Variants in HDAC9 observed in about 807,000 individuals in gnomAD.
HDAC9 encodes histone deacetylase 9.
HDAC9 carries 41 observed loss-of-function variants against 139.4 expected under a neutral mutation model. That is an observed-to-expected ratio of 0.29 (90% CI 0.23 to 0.38). The LOEUF is 0.38. HDAC9 is among the 10% of genes least tolerant of loss of function. The probability of loss-of-function intolerance (pLI) is 1.00; values close to 1 mark genes in which losing one functional copy is unlikely to be tolerated. For missense variants in HDAC9, 1,147 were observed against 1,297.0 expected, an observed-to-expected ratio of 0.88 and a Z score of 1.78; for synonymous variants, 517 against 476.2, an observed-to-expected ratio of 1.09 and a Z score of -1.12.
intron 1 of HDAC9, among the ~76,000 whole-genome samples, chr7:18,154,773 A>T (rs1398420336): frequency 1.3e-5 from 2 of 152,232 alleles, no homozygotes; most frequent in Non-Finnish European, 2.9e-5. Context: ...AGCTTGAAAA[A>T]GAGAATCATA....
At position 18,644,783 on chromosome 7, in the gene HDAC9, C is replaced by G; in HGVS notation, c.1025C>G (p.Ser342Cys). 2 of 1,611,116 alleles carry G rather than the reference C, an allele frequency of 1.2e-6. No individual in the cohort carries two copies. Among genetic ancestry groups the G allele is most frequent in the Non-Finnish European group, 1.7e-6 (2 of 1,178,490 alleles). The change falls in exon 9 of 26, where the codon TCC becomes TGC. Residue 342 changes from serine (S) to cysteine (C), a missense_variant. By Grantham distance (112) the Ser-to-Cys change is moderately radical. Coordinates refer to ENST00000686413, the MANE Select transcript of HDAC9 (RefSeq NM_178425.4). ...ACCTTGGGGCTTCCCGCAGTGCCAT[C>G]CCAGCTCAATGTAAGTCATTGCACA... ...NITLGLPAVP[S>C]QLNASNSLKE...
chr7:18,593,532 A>G (rs1029723181), intron 5 of HDAC9, among the ~76,000 whole-genome samples: 4 of 152,138 alleles, frequency 2.6e-5, no homozygotes, highest in Admixed American at 6.6e-5. Context: ...TATGTTTACT[A>G]TTACCTTGAT....
intron 1 of HDAC9, among the ~76,000 whole-genome samples, chr7:18,158,842 T>G (rs1235847913): frequency 6.6e-6 from 1 of 152,200 alleles, no homozygotes; most frequent in African/African-American, 2.4e-5. Flanking sequence ...TGCCCTCTCT[T>G]TTTTCTGGCT....
intron 2 of HDAC9, among the ~76,000 whole-genome samples, chr7:18,502,097 A>G (rs1798545399): frequency 6.6e-6 from 1 of 152,202 alleles, no homozygotes; most frequent in Non-Finnish European, 1.5e-5. Flanking sequence ...TAGCAGTTCC[A>G]AGCATTATGT....
intron 1 of HDAC9, among the ~76,000 whole-genome samples, chr7:18,110,587 C>A (rs747210762): frequency 6.6e-6 from 1 of 152,064 alleles, no homozygotes; most frequent in Non-Finnish European, 1.5e-5. Flanking sequence ...CAGATGGAGT[C>A]CTGACTATAA....
chr7:18,708,004 G>A (rs930321453), intron 12 of HDAC9, among the ~76,000 whole-genome samples: 2 of 152,142 alleles, frequency 1.3e-5, no homozygotes, highest in African/African-American at 4.8e-5. Context: ...GATTGATGGA[G>A]CACATCCCTA....
intron 13 of HDAC9, among the ~76,000 whole-genome samples, chr7:18,739,041 CTT>C (rs2129140250): frequency 6.6e-6 from 1 of 152,310 alleles, no homozygotes; most frequent in South Asian, 2.1e-4. Context: ...CTTTCTTCCA[CTT>C]GATCAAATCA....
At chr7:18,857,844 G>A (rs1797804377) in intron 21 of HDAC9, among the ~76,000 whole-genome samples, 2 of 151,970 alleles carry the variant, frequency 1.3e-5, no homozygotes, top group Non-Finnish European at 2.9e-5. Context: ...TTTCAAATGG[G>A]AATGTGACAT....
intron 25 of HDAC9, among the ~76,000 whole-genome samples, chr7:18,990,286 G>C (rs996897334): frequency 2.0e-5 from 3 of 152,176 alleles, no homozygotes; most frequent in Non-Finnish European, 2.9e-5. Flanking sequence ...CTCAGCTGCA[G>C]GTCTGTTGGA....
chr7:18,715,242 GTT>G (rs34409566), intron 12 of HDAC9, among the ~76,000 whole-genome samples: 3 of 144,856 alleles, frequency 2.1e-5, no homozygotes, highest in South Asian at 2.2e-4. Flanking sequence ...AGGGGAAAGT[GTT>G]TTTTTTTTTT....
intron 2 of HDAC9, among the ~76,000 whole-genome samples, chr7:18,533,588 C>G (rs1190143081): frequency 1.3e-5 from 2 of 152,194 alleles, no homozygotes; most frequent in Admixed American, 6.5e-5. Context: ...CATTTGGAAG[C>G]TTTTTAGAAT....
intron 23 of HDAC9, among the ~76,000 whole-genome samples, chr7:18,946,040 A>AAAAAAG (rs1782375064): frequency 7.2e-5 from 2 of 27,792 alleles, no homozygotes; most frequent in Non-Finnish European, 1.5e-4. Flanking sequence ...CCGTCTCAAA[A>AAAAAAG]AAAAAAAAAA....
intron 15 of HDAC9, among the ~76,000 whole-genome samples, chr7:18,765,275 C>T (rs1028940051): frequency 2.6e-5 from 4 of 152,096 alleles, no homozygotes; most frequent in Non-Finnish European, 5.9e-5. Context: ...AAGTAGGATA[C>T]TTATTTTGCT....
chr7:18,977,382 T>C (rs1318609070), intron 25 of HDAC9, among the ~76,000 whole-genome samples: 1 of 152,206 alleles, frequency 6.6e-6, no homozygotes, highest in Non-Finnish European at 1.5e-5. Flanking sequence ...CTTTAGAATT[T>C]AATATAGAAA....
chr7:18,921,742 G>A (rs970446034), intron 22 of HDAC9, among the ~76,000 whole-genome samples: 5 of 152,206 alleles, frequency 3.3e-5, no homozygotes, highest in African/African-American at 1.2e-4. Context: ...ATACCCAAAG[G>A]ACTATAAATC....
intron 2 of HDAC9, among the ~76,000 whole-genome samples, chr7:18,199,760 A>G (rs1157077404): frequency 6.7e-6 from 1 of 149,066 alleles, no homozygotes; most frequent in Non-Finnish European, 1.5e-5. Context: ...CTACCAAAAA[A>G]AAAAAAAAAA....
rs2285435 is a variant in HDAC9, at chr7:18,638,852, G to A, written c.912+4110G>A. Among the ~76,000 whole-genome samples the A allele has an allele frequency of 1.4e-4, 21 of 152,100 alleles. No individual in the cohort carries two copies. In the East Asian group the frequency reaches 4.1e-3, roughly 30 times the overall value. The stretch of plus-strand genomic sequence containing the variant: ...GCTTTACTCATTTGTAAACTTGGTT[G>A]GGGAGCTGAAACCTCAGGGGTTTCT... On this transcript the variant is annotated intron_variant, in intron 8 of 25. Coordinates refer to ENST00000686413, the MANE Select transcript of HDAC9 (RefSeq NM_178425.4).
At chr7:18,268,410 T>C (rs994024603) in intron 2 of HDAC9, among the ~76,000 whole-genome samples, 1 of 152,116 alleles carries the variant, frequency 6.6e-6, no homozygotes, top group Non-Finnish European at 1.5e-5. Context: ...TTTTAAATTT[T>C]ACTTTATGGG....
intron 1 of HDAC9, among the ~76,000 whole-genome samples, chr7:18,408,946 G>A (rs1788271382): frequency 6.6e-6 from 1 of 152,090 alleles, no homozygotes; most frequent in South Asian, 2.1e-4. Flanking sequence ...AACCCTTCAG[G>A]TAGCAGCTTT....
Sources: gnomAD v4.1 joint callset for allele counts (sites outside exome capture counted in the v4.1 genomes callset) on GRCh38, gnomAD v4.1.1 for gene constraint, MANE v1.5 for transcripts, NCBI Gene and HGNC (gene_info 2026-07-23, HGNC 2026-07-21) for gene names.